L3MBTL3: variants seen among roughly 807,000 people sequenced by gnomAD.
L3MBTL3 encodes lethal(3)malignant brain tumor-like protein 3.
L3MBTL3 carries 27 observed loss-of-function variants against 102.3 expected under a neutral mutation model. That is an observed-to-expected ratio of 0.26 (90% confidence interval 0.19 to 0.36). L3MBTL3 has a LOEUF of 0.36. Ranked by LOEUF, L3MBTL3 falls within the 10% of genes least tolerant of loss-of-function variation. The pLI is 1.00. For missense variants in L3MBTL3, 798 were observed against 955.3 expected (o/e 0.84, Z 2.17); for synonymous variants, 340 against 320.9 (o/e 1.06, Z -0.64).
chr6:130,057,045 C>G (rs1279698609), intron 8 of L3MBTL3, among the ~76,000 whole-genome samples: 1 of 152,196 alleles, frequency 6.6e-6, no homozygotes, highest in African/African-American at 2.4e-5. Flanking sequence ...ATGCACTGGC[C>G]TTTCCACAGT....
chr6:130,031,052 G>A (rs1779690940), intron 2 of L3MBTL3, among the ~76,000 whole-genome samples: 1 of 152,076 alleles, frequency 6.6e-6, no homozygotes, highest in Non-Finnish European at 1.5e-5. Context: ...TCCATTAGTG[G>A]CTGCGTATTT....
chr6:130,117,391 G>T (rs1785786851), intron 19 of L3MBTL3, among the ~76,000 whole-genome samples: 1 of 151,680 alleles, frequency 6.6e-6, no homozygotes, highest in African/African-American at 2.4e-5. Flanking sequence ...ATTTGGGTTG[G>T]TTCCAAGTCT....
chr6:130,104,424 A>G lies in L3MBTL3; in HGVS notation c.1737-2A>G. 6.5e-7 allele frequency: 1 copy of G among 1,527,618 alleles called. No homozygotes were observed. The highest frequency in any genetic ancestry group is 8.7e-7 in the Non-Finnish European group (1 of 1,143,386). The allele number at this position is 1,527,618 out of a possible 1,614,324, so 94.6% of individuals were successfully genotyped here. ...TTTTTTTCTTTTCTTTTAATCTGTTAGTGCTGCCAACTGTCCCTATTCAGA... is the reference window on the plus strand; with the variant it reads ...TTTTTTTCTTTTCTTTTAATCTGTTGGTGCTGCCAACTGTCCCTATTCAGA... On this transcript the variant is annotated splice_acceptor_variant, in intron 18 of 22. Coordinates refer to ENST00000361794, the MANE Select transcript of L3MBTL3 (RefSeq NM_032438.4). LOFTEE classifies it high-confidence loss of function.
Position 130,139,598 on chromosome 6 carries a change from C to T in L3MBTL3, c.2200-12C>T. On this transcript the variant is annotated splice_polypyrimidine_tract_variant and intron_variant, in intron 22 of 22. Transcript: ENST00000361794. ...TTAATCCACATTCTGTTGTTTTTTTCCCCCATTTTAGCAAATTGATGGAGA... is the reference window on the plus strand; with the variant it reads ...TTAATCCACATTCTGTTGTTTTTTTTCCCCATTTTAGCAAATTGATGGAGA... The T allele has an allele frequency of 6.2e-7, 1 of 1,605,954 alleles. No homozygotes were observed. The highest frequency in any genetic ancestry group is 1.1e-5 in the South Asian group (1 of 90,128).
intron 15 of L3MBTL3, among the ~76,000 whole-genome samples, 177 bp downstream of exon 15, chr6:130,083,882 G>T (rs1188048667): frequency 1.3e-5 from 2 of 152,056 alleles, no homozygotes; most frequent in Non-Finnish European, 2.9e-5. Flanking sequence ...TGGAATTTTT[G>T]TTGTTGTCAT....
chr6:130,122,577 C>T (rs1236521078), intron 20 of L3MBTL3, among the ~76,000 whole-genome samples: 1 of 152,108 alleles, frequency 6.6e-6, no homozygotes, highest in Non-Finnish European at 1.5e-5. Context: ...TAGAACAGTG[C>T]CTGGCACATA....
chr6:130,071,740 T>G (rs1329483397), intron 13 of L3MBTL3, among the ~76,000 whole-genome samples: 2 of 152,122 alleles, frequency 1.3e-5, no homozygotes, highest in Non-Finnish European at 2.9e-5. Flanking sequence ...ACAGATATCT[T>G]TATAAAATAC....
chr6:130,121,291 C>T (rs1035012346), intron 20 of L3MBTL3, among the ~76,000 whole-genome samples: 3 of 152,148 alleles, frequency 2.0e-5, no homozygotes, highest in African/African-American at 7.2e-5. Context: ...AGGTTCTCAT[C>T]ATTTAGCTCC....
chr6:130,103,888 C>A (rs1784840438), intron 18 of L3MBTL3, among the ~76,000 whole-genome samples: 1 of 152,164 alleles, frequency 6.6e-6, no homozygotes, highest in African/African-American at 2.4e-5. Context: ...ACAAATTGAT[C>A]CATGTATTTT....
At position 130,029,998 on chromosome 6, in the gene L3MBTL3, A is replaced by G. The variant is rs540950563; in HGVS notation, c.-16+7693A>G. Among the ~76,000 whole-genome samples the G allele has an allele frequency of 5.3e-5, 8 of 152,036 alleles. No individual in the cohort carries two copies. The South Asian group carries it at 1.5e-3, about 28-fold the overall frequency. On this transcript the variant is annotated intron_variant, in intron 2 of 22. Coordinates refer to ENST00000361794, the MANE Select transcript of L3MBTL3 (RefSeq NM_032438.4). Reference sequence around the variant, plus strand: ...ACCACCACGCCCAACTAATTTTTGTATTTTCAGTCACCACCACACCCAGCT... The same window carrying G: ...ACCACCACGCCCAACTAATTTTTGTGTTTTCAGTCACCACCACACCCAGCT...
intron 7 of L3MBTL3, among the ~76,000 whole-genome samples, chr6:130,054,218 A>T (rs1177252250): frequency 6.6e-6 from 1 of 152,158 alleles, no homozygotes; most frequent in Non-Finnish European, 1.5e-5. Context: ...AAATAAAAGG[A>T]AGTCTGGTCA....
intron 2 of L3MBTL3, among the ~76,000 whole-genome samples, chr6:130,026,802 A>G (rs1037934328): frequency 1.4e-4 from 22 of 152,086 alleles, no homozygotes; most frequent in African/African-American, 5.1e-4. Context: ...GTTATGAAAA[A>G]TATATATATA....
intron 3 of L3MBTL3, among the ~76,000 whole-genome samples, chr6:130,044,501 A>G (rs1173342941): frequency 6.6e-6 from 1 of 152,140 alleles, no homozygotes; most frequent in Non-Finnish European, 1.5e-5. Flanking sequence ...GTATTGCTTT[A>G]AGGTTTTCTA....
chr6:130,050,523 AG>A (rs920296701), intron 5 of L3MBTL3, among the ~76,000 whole-genome samples: 2 of 152,214 alleles, frequency 1.3e-5, no homozygotes, highest in Admixed American at 6.5e-5. Context: ...ACCTTACCCC[AG>A]GCTGAATGAA....
At chr6:130,097,471 A>T (rs1784430825) in intron 18 of L3MBTL3, among the ~76,000 whole-genome samples, 1 of 152,252 alleles carries the variant, frequency 6.6e-6, no homozygotes. Context: ...ACCTTCTCTG[A>T]AGATTACAGT....
chr6:130,078,719 ATT>A, intron 14 of L3MBTL3, 85 bp downstream of exon 14: 2 of 932,750 alleles, frequency 2.1e-6, no homozygotes, highest in Non-Finnish European at 3.3e-6. Flanking sequence ...GATAGTAAAT[ATT>A]TTGGCTTTGC....
At chr6:130,080,034 C>T (rs766355987) in intron 14 of L3MBTL3, among the ~76,000 whole-genome samples, 1 of 152,042 alleles carries the variant, frequency 6.6e-6, no homozygotes, top group Non-Finnish European at 1.5e-5. Context: ...GCGGGAGGAT[C>T]ACTTGAGCCC....
At chr6:130,100,087 A>C (rs369295308) in intron 18 of L3MBTL3, among the ~76,000 whole-genome samples, 3 of 152,242 alleles carry the variant, frequency 2.0e-5, no homozygotes, top group African/African-American at 7.2e-5. Flanking sequence ...ATGTAATTCC[A>C]TCAGGAACTG....
intron 18 of L3MBTL3, 52 bp from the exon 19 acceptor site, chr6:130,104,374 C>T: frequency 3.0e-6 from 4 of 1,328,580 alleles, no homozygotes; most frequent in Non-Finnish European, 3.0e-6. Context: ...GAAGTATGGC[C>T]TAATGGAAAT....
Sources: allele counts gnomAD v4.1 joint callset (sites outside exome capture counted in the v4.1 genomes callset), GRCh38; gene constraint gnomAD v4.1.1; transcripts MANE v1.5; gene names NCBI Gene and HGNC (gene_info 2026-07-23, HGNC 2026-07-21).